KLHL29: variants seen among roughly 807,000 people sequenced by gnomAD.
The protein encoded by KLHL29 is kelch like family member 29.
Under a neutral mutation model 80.4 loss-of-function variants are expected in KLHL29, and 21 were observed. The observed-to-expected ratio is 0.26, with a 90% CI of 0.19 to 0.38. The LOEUF (loss-of-function observed/expected upper bound fraction) is 0.38, where lower values mean the gene tolerates loss of function less well. Among genes scored for constraint, KLHL29 ranks in the 10% least tolerant of loss-of-function variants. The probability of loss-of-function intolerance (pLI) is 1.00; values close to 1 mark genes in which losing one functional copy is unlikely to be tolerated. For synonymous variants in KLHL29, 511 were observed against 526.8 expected (o/e 0.97, Z 0.41); for missense variants, 867 against 1,223.9 (o/e 0.71, Z 4.35).
chr2:23,626,317 C>T (rs1669307836), intron 3 of KLHL29, among the ~76,000 whole-genome samples: 1 of 152,212 alleles, frequency 6.6e-6, no homozygotes. Flanking sequence ...AAGCTTCACT[C>T]ACTCACCCAT....
At chr2:23,441,029 C>T (rs1317669870) in intron 1 of KLHL29, among the ~76,000 whole-genome samples, 4 of 152,106 alleles carry the variant, frequency 2.6e-5, no homozygotes, top group Non-Finnish European at 4.4e-5. Context: ...CACATGCACA[C>T]GTATGTTTAT....
intron 1 of KLHL29, among the ~76,000 whole-genome samples, chr2:23,475,271 G>A (rs1270697472): frequency 6.6e-6 from 1 of 152,000 alleles, no homozygotes; most frequent in East Asian, 1.9e-4. Context: ...GTGTGTATTC[G>A]GAGGATGGGC....
chr2:23,666,538 G>C (rs1028514672), intron 5 of KLHL29, among the ~76,000 whole-genome samples: 2 of 152,252 alleles, frequency 1.3e-5, no homozygotes, highest in African/African-American at 4.8e-5. Context: ...AACAAAGCAA[G>C]GGTGCCTTGA....
intron 3 of KLHL29, among the ~76,000 whole-genome samples, chr2:23,636,198 C>T (rs182874561): frequency 4.5e-4 from 69 of 152,352 alleles, no homozygotes; most frequent in African/African-American, 1.6e-3. Flanking sequence ...AGTGGCTCTG[C>T]ACGTCACCCA....
chr2:23,396,544 C>G (rs1487212346), intron 1 of KLHL29, among the ~76,000 whole-genome samples: 1 of 152,152 alleles, frequency 6.6e-6, no homozygotes, highest in Non-Finnish European at 1.5e-5. Context: ...AAGGTGCATA[C>G]CTCATTTGGA....
At chr2:23,434,320 C>CAAAAAAA (rs34991893) in intron 1 of KLHL29, among the ~76,000 whole-genome samples, 5 of 54,920 alleles carry the variant, frequency 9.1e-5, no homozygotes, top group African/African-American at 2.4e-4. Flanking sequence ...GACTCCGTCT[C>CAAAAAAA]AAAAAAAAAA....
chr2:23,561,540 T>A (rs1667448242), intron 2 of KLHL29, among the ~76,000 whole-genome samples: 1 of 152,164 alleles, frequency 6.6e-6, no homozygotes. Flanking sequence ...GAGTTGTGCA[T>A]TTAGCTAGGA....
chr2:23,496,444 A>G (rs1366753767), intron 2 of KLHL29, among the ~76,000 whole-genome samples: 1 of 152,160 alleles, frequency 6.6e-6, no homozygotes, highest in Non-Finnish European at 1.5e-5. Context: ...TAAATTTGGA[A>G]AGGGGTATGC....
At chr2:23,550,061 G>A (rs973302659) in intron 2 of KLHL29, among the ~76,000 whole-genome samples, 1 of 152,114 alleles carries the variant, frequency 6.6e-6, no homozygotes, top group Admixed American at 6.5e-5. Flanking sequence ...TGCCCCCCAG[G>A]GTGTTTTTCC....
intron 2 of KLHL29, among the ~76,000 whole-genome samples, chr2:23,519,087 A>G (rs185681569): frequency 1.1e-4 from 17 of 152,238 alleles, no homozygotes; most frequent in Non-Finnish European, 5.9e-5. Flanking sequence ...ATGCCCTGGA[A>G]TGCACTTTCC....
At chr2:23,534,662 T>TGTGTATGGCACAGAGGCTCATAGA (rs1666611108) in intron 2 of KLHL29, among the ~76,000 whole-genome samples, 1 of 152,206 alleles carries the variant, frequency 6.6e-6, no homozygotes. Flanking sequence ...GGCCCAGCTC[T>TGTGTATGGCACAGAGGCTCATAGA]GTGTATGGCA....
intron 1 of KLHL29, among the ~76,000 whole-genome samples, chr2:23,436,392 G>C (rs1426672903): frequency 6.6e-6 from 1 of 151,354 alleles, no homozygotes; most frequent in Admixed American, 6.6e-5. Flanking sequence ...AGCCATCTTT[G>C]AGAGCCACAT....
At chr2:23,419,370 G>A (rs1360665819) in intron 1 of KLHL29, among the ~76,000 whole-genome samples, 1 of 152,102 alleles carries the variant, frequency 6.6e-6, no homozygotes, top group African/African-American at 2.4e-5. Context: ...CGCTCCCCAG[G>A]CTGGAGGGTC....
At chr2:23,530,963 CA>C (rs758705226) in intron 2 of KLHL29, among the ~76,000 whole-genome samples, 111 of 152,348 alleles carry the variant, frequency 7.3e-4, no homozygotes, top group Non-Finnish European at 1.4e-3. Flanking sequence ...AGAGTCTCCC[CA>C]GAGTTGAAAA....
chr2:23,705,486 G>A (rs755570120), intron 13 of KLHL29, among the ~76,000 whole-genome samples: 10 of 150,498 alleles, frequency 6.6e-5, no homozygotes, highest in East Asian at 2.0e-4. Flanking sequence ...GTATGACTCC[G>A]TCTCAAAAAA....
chr2:23,388,226 T>A (rs989351180), intron 1 of KLHL29, among the ~76,000 whole-genome samples: 1 of 152,228 alleles, frequency 6.6e-6, no homozygotes, highest in Non-Finnish European at 1.5e-5. Flanking sequence ...AATTCAGGTT[T>A]GTGGGAGGTT....
intron 1 of KLHL29, among the ~76,000 whole-genome samples, chr2:23,452,405 C>T (rs1663908958): frequency 1.3e-5 from 2 of 152,154 alleles, no homozygotes; most frequent in Admixed American, 1.3e-4. Context: ...AGGGATCCTC[C>T]AGGGTCCAAT....
rs1311005066 is a variant in KLHL29 at position 23,703,171 on chromosome 2, T to C, written c.2106-15T>C. 2 of 1,403,210 alleles carry C rather than the reference T, an allele frequency of 1.4e-6. No individual in the cohort carries two copies. Among genetic ancestry groups the C allele is most frequent in the Non-Finnish European group, 1.9e-6 (2 of 1,072,988 alleles). The allele number at this position is 1,403,210 out of a possible 1,614,324, so 86.9% of individuals were successfully genotyped here. ...GTCCATCTTGACCCTGGGCTCTTTT[T>C]CTCCTCTCCTGCAGGTACGACACCA... is the stretch of plus-strand genomic sequence containing the variant. On this transcript the variant is annotated splice_polypyrimidine_tract_variant and intron_variant, in intron 11 of 13. Coordinates refer to ENST00000486442, the MANE Select transcript of KLHL29 (RefSeq NM_052920.2).
chr2:23,476,295 A>T (rs994167226), intron 2 of KLHL29, among the ~76,000 whole-genome samples: 3 of 152,086 alleles, frequency 2.0e-5, no homozygotes, highest in African/African-American at 7.2e-5. Flanking sequence ...ATTAAGTTTT[A>T]TAATTAAGTT....
Sources: gnomAD v4.1 joint callset for allele counts (sites outside exome capture counted in the v4.1 genomes callset) on GRCh38, gnomAD v4.1.1 for gene constraint, MANE v1.5 for transcripts, NCBI Gene and HGNC (gene_info 2026-07-23, HGNC 2026-07-21) for gene names.